The following PEX3 variants were observed in gnomAD, a reference collection of about 807,000 sequenced individuals.
PEX3 encodes peroxisomal biogenesis factor 3.
In PEX3, 30 loss-of-function variants were observed where a neutral mutation model predicts 55.8. The observed-to-expected ratio is 0.54, with a 90% CI of 0.40 to 0.73. PEX3 has a LOEUF of 0.73. Among genes scored for constraint, PEX3 ranks in the 30% least tolerant of loss-of-function variants. The pLI, the probability that PEX3 is intolerant of heterozygous loss-of-function variation, is 0.00. For synonymous variants in PEX3, 135 were observed against 148.4 expected (o/e 0.91, Z 0.66); for missense variants, 351 against 432.8 (o/e 0.81, Z 1.68).
At position 143,482,187 on chromosome 6, in the gene PEX3, T is replaced by C. The variant is rs568180108; in HGVS notation, c.942-2965T>C. On this transcript the variant is annotated intron_variant, in intron 10 of 11. Transcript: ENST00000367591. This position sits in a 1 kb window ranked among gnomAD's most constrained non-coding sequence, Gnocchi z 5.5. ...AGCTGTTGATTTTTTTCTATACTTA[T>C]ATCTTGAAAATAGGTAACTTTTACT... is the stretch of plus-strand genomic sequence containing the variant. Among the ~76,000 whole-genome samples the C allele has an allele frequency of 2.6e-5, 4 of 152,272 alleles. No homozygotes were observed. Among genetic ancestry groups the C allele is most frequent in the East Asian group, 1.9e-4 (1 of 5,184 alleles).
At chr6:143,484,869 A>G in intron 10 of PEX3, 1 of 379,740 alleles carries the variant, frequency 2.6e-6, no homozygotes, top group Non-Finnish European at 4.9e-6. Context: ...ATAAGATGGA[A>G]AATACTCATA....
rs1433651982 is a variant in PEX3, at chr6:143,487,886, A to G, written c.1039-1257A>G. On this transcript the variant is annotated intron_variant, in intron 11 of 11. Transcript: ENST00000367591. This position sits in a 1 kb window ranked among gnomAD's most constrained non-coding sequence, Gnocchi z 5.3. ...ACTTAAAGCCAATAAGAACATAAAT[A>G]TAAACAAATGCCCTAAAATCAGGAA... 2.6e-5 allele frequency among the ~76,000 whole-genome samples: 4 copies of G among 152,172 alleles called. No individual in the cohort carries two copies. The highest frequency in any genetic ancestry group is 9.6e-5 in the African/African-American group (4 of 41,468).
At chr6:143,472,947 C>T (rs901095794) in intron 8 of PEX3, among the ~76,000 whole-genome samples, 14 of 152,144 alleles carry the variant, frequency 9.2e-5, no homozygotes, top group Admixed American at 5.2e-4. Context: ...GTAGTTGTTA[C>T]GTAAGTTATT....
At position 143,475,007 on chromosome 6, in the gene PEX3, C is replaced by T. The variant is rs1780133461; in HGVS notation, c.818+151C>T. ...TTCCCCAGCCTTTAGATAAGATTTC[C>T]TACTCAAACTGGAGGGAAGCAGGGA... On this transcript the variant is annotated intron_variant, in intron 9 of 11. Coordinates refer to ENST00000367591, the MANE Select transcript of PEX3 (RefSeq NM_003630.3). The surrounding 1 kb of genome is among the most constrained non-coding windows in gnomAD (Gnocchi z 4.4). The T allele has an allele frequency of 1.9e-6, 1 of 529,828 alleles. No homozygotes were observed. Among genetic ancestry groups the T allele is most frequent in the Non-Finnish European group, 3.3e-6 (1 of 303,152 alleles). The allele number at this position is 529,828 out of a possible 1,614,324, so 32.8% of individuals were successfully genotyped here. A position where few individuals can be genotyped will look rare whatever the true frequency, so the allele number is the denominator to read the frequency against.
chr6:143,457,028 C>CCTT (rs1562650589), intron 1 of PEX3, among the ~76,000 whole-genome samples: 1 of 152,150 alleles, frequency 6.6e-6, no homozygotes, highest in Non-Finnish European at 1.5e-5. Flanking sequence ...AAGCAGTGGA[C>CCTT]CTTCTCCCCA....
rs1019886207 is a variant in PEX3 at position 143,479,789 on chromosome 6, T to A, written c.941+591T>A. Among the ~76,000 whole-genome samples, 2 of 152,142 alleles carry A rather than the reference T, an allele frequency of 1.3e-5. No individual in the cohort carries two copies. Among genetic ancestry groups the A allele is most frequent in the African/African-American group, 4.8e-5 (2 of 41,458 alleles). On this transcript the variant is annotated intron_variant, in intron 10 of 11. Coordinates refer to ENST00000367591, the MANE Select transcript of PEX3 (RefSeq NM_003630.3). This position sits in a 1 kb window ranked among gnomAD's most constrained non-coding sequence, Gnocchi z 4.6. ...ATAAGGTATCTTACGGTTTTTTATATCTTTGTTATCCCAACACAAATATCT... is the reference window on the plus strand; with the variant it reads ...ATAAGGTATCTTACGGTTTTTTATAACTTTGTTATCCCAACACAAATATCT...
rs1780152677 is a variant in PEX3, at chr6:143,476,301, T to A, written c.818+1445T>A. On this transcript the variant is annotated intron_variant, in intron 9 of 11. Transcript: ENST00000367591. The surrounding 1 kb of genome is among the most constrained non-coding windows in gnomAD (Gnocchi z 5.4). ...GTGAATGAGAAAAGTAATAGGGAAG[T>A]GAGATTGGAGAGATAGATGGAAACT... Among the ~76,000 whole-genome samples the A allele has an allele frequency of 6.6e-6, 1 of 152,068 alleles. No homozygotes were observed. The highest frequency in any genetic ancestry group is 2.4e-5 in the African/African-American group (1 of 41,394).
In PEX3 at chr6:143,475,185, T is replaced by C. The variant is rs369192851; in HGVS notation, c.818+329T>C. ...CTGGAGAAGGTCATCAGTGATCTTTTGCCATATCCAATGAACCTGTAATGT... is the reference window on the plus strand; with the variant it reads ...CTGGAGAAGGTCATCAGTGATCTTTCGCCATATCCAATGAACCTGTAATGT... On this transcript the variant is annotated intron_variant, in intron 9 of 11. Coordinates refer to ENST00000367591, the MANE Select transcript of PEX3 (RefSeq NM_003630.3). This position sits in a 1 kb window ranked among gnomAD's most constrained non-coding sequence, Gnocchi z 4.4. Among the ~76,000 whole-genome samples the C allele has an allele frequency of 2.0e-3, 311 of 152,322 alleles. No homozygotes were observed. The highest frequency in any genetic ancestry group is 7.0e-3 in the African/African-American group (289 of 41,574).
At chr6:143,474,653 G>A (rs886706988) in intron 8 of PEX3, 133 bp from the exon 9 acceptor site, 99 of 661,028 alleles carry the variant, frequency 1.5e-4, no homozygotes, top group Admixed American at 4.8e-5. Context: ...GGTGGGGGAG[G>A]GTCTAACTTT....
Position 143,485,856 on chromosome 6 carries a change from A to T in PEX3, c.1038+608A>T, listed in dbSNP as rs1461954715. On this transcript the variant is annotated intron_variant, in intron 11 of 11. Coordinates refer to ENST00000367591, the MANE Select transcript of PEX3 (RefSeq NM_003630.3). The surrounding 1 kb of genome is among the most constrained non-coding windows in gnomAD (Gnocchi z 5.6). ...AAATATTATAAACAAAATAACTTTG[A>T]ATTTCTGAGTCATGTGCAAACTTGG... Among the ~76,000 whole-genome samples, 3 of 152,152 alleles carry T rather than the reference A, an allele frequency of 2.0e-5. No homozygotes were observed. Among genetic ancestry groups the T allele is most frequent in the African/African-American group, 4.8e-5 (2 of 41,446 alleles).
rs1421986778 is a variant in PEX3, at chr6:143,462,061, T to C, written c.206-855T>C. 6.6e-6 allele frequency among the ~76,000 whole-genome samples: 1 copy of C among 152,258 alleles called. No individual in the cohort carries two copies. The highest frequency in any genetic ancestry group is 1.5e-5 in the Non-Finnish European group (1 of 68,044). On this transcript the variant is annotated intron_variant, in intron 2 of 11. Coordinates refer to ENST00000367591, the MANE Select transcript of PEX3 (RefSeq NM_003630.3). The surrounding 1 kb of genome is among the most constrained non-coding windows in gnomAD (Gnocchi z 4.1). ...TATGTGTATTCCTCCATTTCTTTTT[T>C]TCTCTAATCCCATGACAGATTCTTA...
intron 9 of PEX3, among the ~76,000 whole-genome samples, chr6:143,477,276 C>T (rs1333385385): frequency 2.0e-5 from 3 of 152,098 alleles, no homozygotes; most frequent in Non-Finnish European, 4.4e-5. Context: ...GACTTTAACA[C>T]TTTTTTATAT....
rs1371153449 is a variant in PEX3, at chr6:143,476,261, G to T, written c.818+1405G>T. Among the ~76,000 whole-genome samples, 1 of 152,212 alleles carries T rather than the reference G, an allele frequency of 6.6e-6. No homozygotes were observed. The highest frequency in any genetic ancestry group is 1.9e-4 in the East Asian group (1 of 5,202). On this transcript the variant is annotated intron_variant, in intron 9 of 11. Coordinates refer to ENST00000367591, the MANE Select transcript of PEX3 (RefSeq NM_003630.3). This position sits in a 1 kb window ranked among gnomAD's most constrained non-coding sequence, Gnocchi z 5.4. The stretch of plus-strand genomic sequence containing the variant: ...TTCAAGGAATAGCAAGGAGGCCATT[G>T]TTGGCTGGAGCACAGTGAATGAGAA...
Position 143,450,896 on chromosome 6 carries a change from T to C in PEX3, c.-147T>C. 1 of 819,266 alleles carries C rather than the reference T, an allele frequency of 1.2e-6. No homozygotes were observed. The highest frequency in any genetic ancestry group is 2.2e-6 in the Non-Finnish European group (1 of 461,418). The allele number at this position is 819,266 out of a possible 1,614,324, so 50.7% of individuals were successfully genotyped here. On this transcript the variant is annotated 5_prime_UTR_variant, in exon 1 of 12. Coordinates refer to ENST00000367591, the MANE Select transcript of PEX3 (RefSeq NM_003630.3). ...CCCTTGCCGCTCCGGTGACAGTCTCTGCGGAAAGTCACGTTTGTGATTTCG... is the reference window on the plus strand; with the variant it reads ...CCCTTGCCGCTCCGGTGACAGTCTCCGCGGAAAGTCACGTTTGTGATTTCG...
chr6:143,474,593 T>C (rs1780125597), intron 8 of PEX3, among the ~76,000 whole-genome samples, 193 bp from the exon 9 acceptor site: 1 of 152,244 alleles, frequency 6.6e-6, no homozygotes, highest in African/African-American at 2.4e-5. Flanking sequence ...TTTACTCATG[T>C]CTTAAATTCT....
At position 143,462,872 on chromosome 6, in the gene PEX3, C is replaced by A. The variant is rs910007729; in HGVS notation, c.206-44C>A. ...ATGCGCATTTCTTAGTGAGGGCAGTCATATCACTTGTGACCTTTTTTATTT... is the reference window on the plus strand; with the variant it reads ...ATGCGCATTTCTTAGTGAGGGCAGTAATATCACTTGTGACCTTTTTTATTT... On this transcript the variant is annotated intron_variant, in intron 2 of 11. Transcript: ENST00000367591. The surrounding 1 kb of genome is among the most constrained non-coding windows in gnomAD (Gnocchi z 4.1). 2.1e-6 allele frequency: 3 copies of A among 1,410,956 alleles called. No homozygotes were observed. The highest frequency in any genetic ancestry group is 2.3e-5 in the East Asian group (1 of 43,720). 87.4% of individuals were successfully genotyped at this position (1,410,956 alleles called of 1,614,324 possible). A position where few individuals can be genotyped will look rare whatever the true frequency, so the allele number is the denominator to read the frequency against.
rs1376868823 is a variant in PEX3 at position 143,482,957 on chromosome 6, TCAAA to T, written c.942-2191_942-2188del. Among the ~76,000 whole-genome samples the T allele has an allele frequency of 6.6e-6, 1 of 152,060 alleles. No homozygotes were observed. On this transcript the variant is annotated intron_variant, in intron 10 of 11. Transcript: ENST00000367591. The surrounding 1 kb of genome is among the most constrained non-coding windows in gnomAD (Gnocchi z 5.5). The stretch of plus-strand genomic sequence containing the variant: ...CTGTATAATTTTTAAAACTTCAAGA[TCAAA>T]CAAGCTTTTTATAAGCTTTTCATCA...
intron 4 of PEX3, among the ~76,000 whole-genome samples, chr6:143,468,548 C>T (rs781373277): frequency 3.0e-4 from 45 of 152,244 alleles, no homozygotes; most frequent in East Asian, 2.1e-3. Context: ...CTAGGGCCTA[C>T]GTATCTGCTT....
At chr6:143,455,224 G>T (rs1190188178) in intron 1 of PEX3, among the ~76,000 whole-genome samples, 2 of 139,228 alleles carry the variant, frequency 1.4e-5, no homozygotes, top group Non-Finnish European at 2.9e-5. Context: ...ACGGAGTCTT[G>T]CTCTGTCGCC....
Sources: gnomAD v4.1 joint callset for allele counts (sites outside exome capture counted in the v4.1 genomes callset) on GRCh38, gnomAD v4.1.1 for gene constraint, Gnocchi (gnomAD v3.1) non-coding constraint, MANE v1.5 for transcripts, NCBI Gene and HGNC (gene_info 2026-07-23, HGNC 2026-07-21) for gene names.